Variants in RAD54L2 observed in about 807,000 individuals in gnomAD.
The protein encoded by RAD54L2 is RAD54 like 2.
RAD54L2 carries 27 observed loss-of-function variants against 138.4 expected under a neutral mutation model. The observed-to-expected ratio is 0.20, with a 90% CI of 0.14 to 0.27. The LOEUF (loss-of-function observed/expected upper bound fraction) is 0.27, where lower values mean the gene tolerates loss of function less well. RAD54L2 is among the 10% of genes least tolerant of loss of function. The pLI, the probability that RAD54L2 is intolerant of heterozygous loss-of-function variation, is 1.00. For synonymous variants in RAD54L2, 644 were observed against 723.2 expected (o/e 0.89, Z 1.76); for missense variants, 1,396 against 1,890.2 (o/e 0.74, Z 4.85).
At chr3:51,580,953 C>T (rs1463243431) in intron 2 of RAD54L2, among the ~76,000 whole-genome samples, 1 of 152,058 alleles carries the variant, frequency 6.6e-6, no homozygotes, top group Non-Finnish European at 1.5e-5. Flanking sequence ...TATATCACAA[C>T]GTAGTAGTCA....
In RAD54L2 at chr3:51,641,804, C is replaced by T. The variant is rs779256761; in HGVS notation, c.2287C>T (p.Pro763Ser). 10 of 1,601,208 alleles carry T rather than the reference C, an allele frequency of 6.2e-6. No homozygotes were observed. Among genetic ancestry groups the T allele is most frequent in the African/African-American group, 1.3e-5 (1 of 74,870 alleles). ...IEEFLGKREVPCPPGTEGQGA... is the reference protein window; with the variant it reads ...IEEFLGKREVSCPPGTEGQGA... ...GGAATTCCTTGGAAAACGAGAAGTA[C>T]CCTGTCCACCTGGTACCGAGGGGCA... is the stretch of plus-strand genomic sequence containing the variant. The change falls in exon 15 of 23, where the codon CCC becomes TCC. Residue 763 changes from proline to serine, a missense_variant. Pro to Ser is a moderately conservative substitution (Grantham distance 74, BLOSUM62 -1). Transcript: ENST00000684192.
At chr3:51,566,231 C>A (rs1410483797) in intron 2 of RAD54L2, among the ~76,000 whole-genome samples, 1 of 152,064 alleles carries the variant, frequency 6.6e-6, no homozygotes, top group Non-Finnish European at 1.5e-5. Context: ...AGTCCCTTTG[C>A]CTTTTTTTCG....
At position 51,637,027 on chromosome 3, in the gene RAD54L2, C is replaced by T; in HGVS notation, c.1340-134C>T. On this transcript the variant is annotated intron_variant, in intron 10 of 22. Coordinates refer to ENST00000684192, the MANE Select transcript of RAD54L2 (RefSeq NM_015106.4). This position sits in a 1 kb window ranked among gnomAD's most constrained non-coding sequence, Gnocchi z 5.9. Reference sequence around the variant, plus strand: ...GCTTGAATGGCTGGCACCCTCTCACCAAGGGGGGCTGACTCTTGCTTTCCT... The same window carrying T: ...GCTTGAATGGCTGGCACCCTCTCACTAAGGGGGGCTGACTCTTGCTTTCCT... 4 of 773,126 alleles carry T rather than the reference C, an allele frequency of 5.2e-6. No homozygotes were observed. The highest frequency in any genetic ancestry group is 2.1e-6 in the Non-Finnish European group (1 of 470,950). 47.9% of individuals were successfully genotyped at this position (773,126 alleles called of 1,614,324 possible). A position where few individuals can be genotyped will look rare whatever the true frequency, so the allele number is the denominator to read the frequency against.
chr3:51,550,692 A>G (rs945164501), intron 2 of RAD54L2, among the ~76,000 whole-genome samples: 11 of 152,060 alleles, frequency 7.2e-5, no homozygotes, highest in African/African-American at 2.7e-4. Flanking sequence ...AGTGAGCTGC[A>G]ATTGTGCCAC....
intron 3 of RAD54L2, among the ~76,000 whole-genome samples, chr3:51,619,385 T>C (rs960676633): frequency 1.4e-4 from 22 of 152,168 alleles, no homozygotes; most frequent in African/African-American, 5.1e-4. Flanking sequence ...TTTTTGAGAC[T>C]GTAACAAAAG....
intron 3 of RAD54L2, among the ~76,000 whole-genome samples, chr3:51,606,660 A>AT (rs377248473): frequency 1.8e-3 from 259 of 146,918 alleles, no homozygotes; most frequent in South Asian, 1.7e-3. Flanking sequence ...GAAAAAGTTT[A>AT]TTTTTTTTTT....
At chr3:51,577,450 A>C (rs971629852) in intron 2 of RAD54L2, among the ~76,000 whole-genome samples, 1 of 152,142 alleles carries the variant, frequency 6.6e-6, no homozygotes, top group African/African-American at 2.4e-5. Flanking sequence ...TGGGGTGTTA[A>C]AATCTCCCAT....
chr3:51,628,746 C>T (rs368492309), intron 4 of RAD54L2, among the ~76,000 whole-genome samples: 1 of 151,744 alleles, frequency 6.6e-6, no homozygotes, highest in African/African-American at 2.4e-5. Context: ...GATGAAGCCT[C>T]ACTCTGTCAC....
intron 7 of RAD54L2, among the ~76,000 whole-genome samples, chr3:51,632,358 A>G (rs1700867720): frequency 6.6e-6 from 1 of 151,976 alleles, no homozygotes; most frequent in Non-Finnish European, 1.5e-5. Flanking sequence ...CAGTGGCACA[A>G]TCTCGGCTCA....
At chr3:51,559,972 C>T (rs1187041521) in intron 2 of RAD54L2, among the ~76,000 whole-genome samples, 1 of 152,198 alleles carries the variant, frequency 6.6e-6, no homozygotes, top group Non-Finnish European at 1.5e-5. Context: ...TGATGTGCTG[C>T]TGTTGACTGA....
chr3:51,571,408 T>C (rs964741080), intron 2 of RAD54L2, among the ~76,000 whole-genome samples: 1 of 150,392 alleles, frequency 6.6e-6, no homozygotes, highest in East Asian at 1.9e-4. Context: ...TTTTTTTTTT[T>C]AAAGACATAG....
At chr3:51,655,574 C>T (rs1421037112) in intron 19 of RAD54L2, among the ~76,000 whole-genome samples, 2 of 152,088 alleles carry the variant, frequency 1.3e-5, no homozygotes, top group African/African-American at 2.4e-5. Context: ...AAAATTCTGC[C>T]CATCTCAACT....
At chr3:51,549,279 C>T (rs191146221) in intron 2 of RAD54L2, among the ~76,000 whole-genome samples, 1 of 152,046 alleles carries the variant, frequency 6.6e-6, no homozygotes, top group African/African-American at 2.4e-5. Flanking sequence ...CAGGCGTGAA[C>T]CACCACTCCC....
chr3:51,646,675 A>G (rs1009371218), intron 19 of RAD54L2, among the ~76,000 whole-genome samples, 194 bp downstream of exon 19: 1 of 152,222 alleles, frequency 6.6e-6, no homozygotes, highest in Non-Finnish European at 1.5e-5. Context: ...TGACTGCCCT[A>G]GCTGGAAAAG....
At chr3:51,566,745 A>G (rs1252742268) in intron 2 of RAD54L2, among the ~76,000 whole-genome samples, 1 of 152,054 alleles carries the variant, frequency 6.6e-6, no homozygotes, top group East Asian at 1.9e-4. Flanking sequence ...GGAATCTCAC[A>G]TGGCCTGGGT....
chr3:51,639,373 G>T, intron 12 of RAD54L2, 46 bp from the exon 13 acceptor site: 2 of 1,604,206 alleles, frequency 1.2e-6, no homozygotes, highest in Admixed American at 1.7e-5. Flanking sequence ...GACACCCTTG[G>T]AATGTTTTTT....
At chr3:51,621,649 CTCTGTCCTA>C (rs1344949469) in intron 3 of RAD54L2, among the ~76,000 whole-genome samples, 4 of 152,240 alleles carry the variant, frequency 2.6e-5, no homozygotes, top group African/African-American at 9.6e-5. Context: ...TGTTCTCTGA[CTCTGTCCTA>C]TCTGCCTACT....
intron 19 of RAD54L2, among the ~76,000 whole-genome samples, chr3:51,653,609 G>A (rs536500333): frequency 8.5e-5 from 13 of 152,142 alleles, no homozygotes; most frequent in African/African-American, 2.4e-4. Flanking sequence ...CCATAAAAAA[G>A]GATGAGTTCA....
At chr3:51,658,548 C>T (rs1701668427) in intron 21 of RAD54L2, among the ~76,000 whole-genome samples, 1 of 152,124 alleles carries the variant, frequency 6.6e-6, no homozygotes, top group Non-Finnish European at 1.5e-5. Context: ...TTTTTTTCCC[C>T]TCTTTTCTGC....
Sources: allele counts gnomAD v4.1 joint callset (sites outside exome capture counted in the v4.1 genomes callset), GRCh38; gene constraint gnomAD v4.1.1; non-coding constraint Gnocchi (gnomAD v3.1); transcripts MANE v1.5; gene names NCBI Gene and HGNC (gene_info 2026-07-23, HGNC 2026-07-21).